RARB: variants seen among roughly 807,000 people sequenced by gnomAD.
The protein encoded by RARB is HBV-activated protein.
In RARB, 17 loss-of-function variants were observed where a neutral mutation model predicts 51.9. That is an observed-to-expected ratio of 0.33 (90% CI 0.22 to 0.49). RARB has a LOEUF of 0.49. Ranked by LOEUF, RARB falls within the 20% of genes least tolerant of loss-of-function variation. The pLI is 0.99. For missense variants in RARB, 369 were observed against 550.8 expected (o/e 0.67, Z 3.30); for synonymous variants, 215 against 195.4 (o/e 1.10, Z -0.84).
chr3:25,170,469 A>G (rs1700626056), intron 4 of RARB, among the ~76,000 whole-genome samples: 1 of 152,126 alleles, frequency 6.6e-6, no homozygotes, highest in African/African-American at 2.4e-5. Context: ...GAGAATTTGC[A>G]TTTTTAACCA....
At chr3:24,913,157 T>G (rs112600300) in intron 2 of RARB, among the ~76,000 whole-genome samples, 1 of 151,580 alleles carries the variant, frequency 6.6e-6, no homozygotes, top group Non-Finnish European at 1.5e-5. Flanking sequence ...ATTTTGTTTT[T>G]GTATTTTTAG....
At chr3:25,431,434 T>C (rs545094369) in intron 1 of RARB, among the ~76,000 whole-genome samples, 2 of 152,272 alleles carry the variant, frequency 1.3e-5, no homozygotes, top group East Asian at 1.9e-4. Flanking sequence ...TGTCTGTGAA[T>C]TGCTTCTTAT....
chr3:24,857,570 T>A (rs1488094543), intron 1 of RARB, among the ~76,000 whole-genome samples: 1 of 152,192 alleles, frequency 6.6e-6, no homozygotes, highest in Non-Finnish European at 1.5e-5. Flanking sequence ...CAACTCAGCA[T>A]CCCGTATTTT....
intron 4 of RARB, among the ~76,000 whole-genome samples, chr3:25,162,200 G>T (rs755420512): frequency 8.5e-5 from 13 of 152,128 alleles, no homozygotes; most frequent in Non-Finnish European, 1.6e-4. Context: ...ACCTCCTGGG[G>T]TCAATCAATC....
intron 3 of RARB, among the ~76,000 whole-genome samples, chr3:25,083,564 A>G (rs927990183): frequency 2.0e-5 from 3 of 152,098 alleles, no homozygotes; most frequent in Non-Finnish European, 2.9e-5. Context: ...TATTTAAACT[A>G]TTGAATATAT....
At chr3:25,329,710 C>T (rs528848864) in intron 5 of RARB, among the ~76,000 whole-genome samples, 6 of 152,256 alleles carry the variant, frequency 3.9e-5, no homozygotes, top group Non-Finnish European at 5.9e-5. Context: ...TAATAACAAA[C>T]TCCTCCAAGC....
At chr3:25,205,980 A>G (rs1186170573) in intron 5 of RARB, among the ~76,000 whole-genome samples, 1 of 152,180 alleles carries the variant, frequency 6.6e-6, no homozygotes, top group Non-Finnish European at 1.5e-5. Flanking sequence ...GCCCAACTGT[A>G]GTCTAAGTGT....
chr3:25,386,300 T>TG (rs1253974605), intron 5 of RARB, among the ~76,000 whole-genome samples: 6 of 151,746 alleles, frequency 4.0e-5, no homozygotes, highest in Non-Finnish European at 7.4e-5. Context: ...GCATAGAGGC[T>TG]GGGGTGGAGA....
At chr3:25,460,622 A>G (rs1057053849) in intron 1 of RARB, among the ~76,000 whole-genome samples, 8 of 151,608 alleles carry the variant, frequency 5.3e-5, no homozygotes, top group Non-Finnish European at 1.2e-4. Flanking sequence ...TAATTTTTGT[A>G]TTTTTAGTAG....
chr3:24,917,156 T>C (rs1236385645), intron 2 of RARB, among the ~76,000 whole-genome samples: 1 of 152,182 alleles, frequency 6.6e-6, no homozygotes, highest in Non-Finnish European at 1.5e-5. Context: ...GGTACCTTAG[T>C]GGGAACAAAT....
At chr3:25,041,325 A>G (rs959397496) in intron 2 of RARB, among the ~76,000 whole-genome samples, 5 of 152,088 alleles carry the variant, frequency 3.3e-5, no homozygotes, top group Non-Finnish European at 7.4e-5. Flanking sequence ...TATGATTCAC[A>G]AGTTTTTTTC....
chr3:25,573,200 T>A (rs962796550), intron 4 of RARB, among the ~76,000 whole-genome samples: 1 of 152,150 alleles, frequency 6.6e-6, no homozygotes, highest in Non-Finnish European at 1.5e-5. Context: ...GCCCACTCTG[T>A]TCTTCCAGTG....
At chr3:25,502,599 T>G (rs1487416694) in intron 3 of RARB, among the ~76,000 whole-genome samples, 1 of 152,208 alleles carries the variant, frequency 6.6e-6, no homozygotes, top group South Asian at 2.1e-4. Context: ...ACAGCTGGGA[T>G]CCACTCAGTC....
chr3:25,297,687 CCT>C (rs1289850783), intron 5 of RARB, among the ~76,000 whole-genome samples: 1 of 151,896 alleles, frequency 6.6e-6, no homozygotes, highest in Non-Finnish European at 1.5e-5. Flanking sequence ...TGTTTTCTCC[CCT>C]GTTAAAAGCA....
upstream of RARB, among the ~76,000 whole-genome samples, chr3:25,426,463 C>T (rs543135711): frequency 6.6e-6 from 1 of 152,234 alleles, no homozygotes; most frequent in African/African-American, 2.4e-5. Flanking sequence ...GCATACTTTT[C>T]ATGTTACACC....
intron 5 of RARB, among the ~76,000 whole-genome samples, chr3:25,273,249 G>T (rs183648136): frequency 1.2e-4 from 18 of 152,226 alleles, no homozygotes; most frequent in African/African-American, 4.1e-4. Flanking sequence ...CAAAGGACTC[G>T]AACTGGCCTC....
intron 5 of RARB, among the ~76,000 whole-genome samples, chr3:25,364,693 A>G (rs1706056763): frequency 6.6e-6 from 1 of 152,208 alleles, no homozygotes; most frequent in African/African-American, 2.4e-5. Context: ...GGTTGTTTCT[A>G]TTTGACATGC....
At chr3:25,285,739 A>G (rs1015443618) in intron 5 of RARB, among the ~76,000 whole-genome samples, 1 of 152,168 alleles carries the variant, frequency 6.6e-6, no homozygotes, top group Non-Finnish European at 1.5e-5. Flanking sequence ...TACCAATGAG[A>G]GGGTTCTTAG....
At chr3:25,208,842 T>C (rs1364803393) in intron 5 of RARB, among the ~76,000 whole-genome samples, 1 of 152,180 alleles carries the variant, frequency 6.6e-6, no homozygotes, top group Non-Finnish European at 1.5e-5. Context: ...GGGCCCATCA[T>C]ACTCCTGGGA....
Sources: allele counts gnomAD v4.1 joint callset (sites outside exome capture counted in the v4.1 genomes callset), GRCh38; gene constraint gnomAD v4.1.1; transcripts MANE v1.5; gene names NCBI Gene and HGNC (gene_info 2026-07-23, HGNC 2026-07-21).